MLLT10: variants seen among roughly 807,000 people sequenced by gnomAD.
MLLT10 encodes the protein MLLT10 histone lysine methyltransferase DOT1L cofactor, also known as protein AF-10.
Under a neutral mutation model 129.1 loss-of-function variants are expected in MLLT10, and 30 were observed. The observed-to-expected ratio is 0.23, with a 90% CI of 0.17 to 0.32. The LOEUF is 0.32. Ranked by LOEUF, MLLT10 falls within the 10% of genes least tolerant of loss-of-function variation. The pLI is 1.00. For synonymous variants in MLLT10, 490 were observed against 446.4 expected (o/e 1.10, Z -1.23); for missense variants, 1,119 against 1,268.3 (o/e 0.88, Z 1.79).
intron 9 of MLLT10, among the ~76,000 whole-genome samples, chr10:21,664,583 C>T (rs971333866): frequency 2.0e-5 from 3 of 152,074 alleles, no homozygotes; most frequent in Admixed American, 6.5e-5. Flanking sequence ...GCGTGCCCGG[C>T]TCTATGTGTT....
chr10:21,570,875 A>G (rs970127985), intron 3 of MLLT10, among the ~76,000 whole-genome samples: 5 of 152,066 alleles, frequency 3.3e-5, no homozygotes, highest in African/African-American at 9.7e-5. Flanking sequence ...TGTAAGTCTT[A>G]TAAATTTTGA....
intron 13 of MLLT10, among the ~76,000 whole-genome samples, chr10:21,686,042 A>G (rs965537002): frequency 3.9e-5 from 6 of 152,196 alleles, no homozygotes; most frequent in African/African-American, 1.2e-4. Context: ...CAACTGGACT[A>G]TAAAACTGAA....
At position 21,610,310 on chromosome 10, in the gene MLLT10, C is replaced by T. The variant is rs527285794; in HGVS notation, c.406-2038C>T. On this transcript the variant is annotated intron_variant, in intron 5 of 22. Transcript: ENST00000307729. The stretch of plus-strand genomic sequence containing the variant: ...GAATCAGAGACACTGGCAGCCTGGC[C>T]GTCATAGGGTAAAACTATAGTCCTA... Among the ~76,000 whole-genome samples, 15 of 152,190 alleles carry T rather than the reference C, an allele frequency of 9.9e-5. No homozygotes were observed. In the South Asian group the frequency reaches 1.7e-3, roughly 17 times the overall value.
intron 21 of MLLT10, among the ~76,000 whole-genome samples, chr10:21,739,343 C>G (rs1286714233): frequency 6.6e-6 from 1 of 152,172 alleles, no homozygotes; most frequent in Non-Finnish European, 1.5e-5. Context: ...CATATCCACC[C>G]AGCGAATTCC....
At chr10:21,717,664 C>T (rs1230751038) in intron 14 of MLLT10, among the ~76,000 whole-genome samples, 11 of 125,516 alleles carry the variant, frequency 8.8e-5, no homozygotes, top group African/African-American at 2.2e-4. Context: ...TCCTCCTCCT[C>T]TTCCTCCTCC....
chr10:21,610,798 A>T (rs1247491109), intron 5 of MLLT10, among the ~76,000 whole-genome samples: 2 of 151,448 alleles, frequency 1.3e-5, no homozygotes, highest in African/African-American at 4.8e-5. Context: ...CTATTTTTAA[A>T]TTTTTTTGAT....
intron 3 of MLLT10, among the ~76,000 whole-genome samples, chr10:21,554,463 T>C (rs2037592311): frequency 6.6e-6 from 1 of 151,554 alleles, no homozygotes; most frequent in Non-Finnish European, 1.5e-5. Flanking sequence ...AAATTTTTTT[T>C]TTTTTTTTTG....
At chr10:21,561,350 T>G (rs887736576) in intron 3 of MLLT10, among the ~76,000 whole-genome samples, 4 of 152,082 alleles carry the variant, frequency 2.6e-5, no homozygotes, top group African/African-American at 7.2e-5. Flanking sequence ...AAGTTCTGCC[T>G]CCTGGGTTCA....
intron 8 of MLLT10, among the ~76,000 whole-genome samples, chr10:21,622,356 C>G (rs2045968688): frequency 6.8e-6 from 1 of 148,076 alleles, no homozygotes; most frequent in African/African-American, 2.5e-5. Flanking sequence ...TTTGTAGAGA[C>G]GAGGTCTCCC....
At chr10:21,634,986 T>C (rs936879528) in intron 8 of MLLT10, among the ~76,000 whole-genome samples, 1 of 152,230 alleles carries the variant, frequency 6.6e-6, no homozygotes, top group Non-Finnish European at 1.5e-5. Context: ...ATCAGCTCAT[T>C]TTCTAACACT....
In MLLT10 at chr10:21,592,605, T is replaced by C. The variant is rs532622006; in HGVS notation, c.296-2726T>C. Among the ~76,000 whole-genome samples, 9 of 152,240 alleles carry C rather than the reference T, an allele frequency of 5.9e-5. No homozygotes were observed. The East Asian group carries it at 1.7e-3, about 29-fold the overall frequency. On this transcript the variant is annotated intron_variant, in intron 4 of 22. Transcript: ENST00000307729. Reference sequence around the variant, plus strand: ...CCGCGTAGCTGGGACTACAGGCGCCTGCCACCTTGCCCGGCTAATTTTTTG... The same window carrying C: ...CCGCGTAGCTGGGACTACAGGCGCCCGCCACCTTGCCCGGCTAATTTTTTG...
intron 13 of MLLT10, among the ~76,000 whole-genome samples, chr10:21,709,402 T>C (rs11012779): frequency 0.18 from 27,505 of 152,074 alleles, 2,611 homozygotes; most frequent in East Asian, 0.3. Flanking sequence ...TGGCTAAGTT[T>C]TGTATTTTTA....
intron 13 of MLLT10, among the ~76,000 whole-genome samples, chr10:21,707,278 C>T (rs1477032627): frequency 6.0e-5 from 9 of 150,648 alleles, no homozygotes; most frequent in Non-Finnish European, 1.3e-4. Context: ...CTGCAAGCTC[C>T]GCCTCCCGGG....
At chr10:21,668,963 A>C in intron 9 of MLLT10, 2 of 1,343,420 alleles carry the variant, frequency 1.5e-6, no homozygotes, top group South Asian at 2.5e-5. Context: ...CTCAGGATCA[A>C]CTCAAGTAAT....
intron 4 of MLLT10, among the ~76,000 whole-genome samples, chr10:21,588,069 T>G (rs1186196792): frequency 6.6e-6 from 1 of 152,212 alleles, no homozygotes; most frequent in Non-Finnish European, 1.5e-5. Flanking sequence ...CTTTTCTTTT[T>G]TCTTCGATTT....
chr10:21,726,066 T>A (rs1195887471), intron 14 of MLLT10, among the ~76,000 whole-genome samples, 178 bp from the exon 15 acceptor site: 3 of 152,164 alleles, frequency 2.0e-5, no homozygotes, highest in African/African-American at 7.2e-5. Context: ...ATGTAACTTT[T>A]AAAAAATTGA....
chr10:21,559,757 A>G (rs540581916), intron 3 of MLLT10, among the ~76,000 whole-genome samples: 10 of 152,290 alleles, frequency 6.6e-5, no homozygotes, highest in South Asian at 2.1e-4. Context: ...AGGTTCGTCT[A>G]TGTTGTAGCA....
At chr10:21,675,051 A>G (rs1365632947) in intron 11 of MLLT10, among the ~76,000 whole-genome samples, 1 of 152,230 alleles carries the variant, frequency 6.6e-6, no homozygotes, top group East Asian at 1.9e-4. Flanking sequence ...AGAAATAGTA[A>G]CAATAACTGT....
chr10:21,535,124 G>GGGTGGT (rs2033671629), intron 2 of MLLT10, among the ~76,000 whole-genome samples: 1 of 144,150 alleles, frequency 6.9e-6, no homozygotes. Context: ...GCCGGGGTGG[G>GGGTGGT]GGCGGGGGCG....
Sources: gnomAD v4.1 joint callset for allele counts (sites outside exome capture counted in the v4.1 genomes callset) on GRCh38, gnomAD v4.1.1 for gene constraint, MANE v1.5 for transcripts, NCBI Gene and HGNC (gene_info 2026-07-23, HGNC 2026-07-21) for gene names.